Variants in BCAS1 observed in about 807,000 individuals in gnomAD.
BCAS1 encodes the protein breast carcinoma-amplified sequence 1.
A neutral mutation model predicts 65.4 loss-of-function variants in BCAS1; 46 were observed. The ratio of observed to expected loss-of-function variants is 0.70; its 90% CI spans 0.55 to 0.90. The LOEUF is 0.90. Ranked by LOEUF, BCAS1 falls within the 40% of genes least tolerant of loss-of-function variation. The pLI is 0.00. For missense variants in BCAS1, 793 were observed against 771.2 expected (o/e 1.03, Z -0.33); for synonymous variants, 298 against 293.5 (o/e 1.02, Z -0.16).
At chr20:54,021,886 C>CA (rs2091567055) in intron 4 of BCAS1, among the ~76,000 whole-genome samples, 2 of 152,002 alleles carry the variant, frequency 1.3e-5, no homozygotes, top group Non-Finnish European at 2.9e-5. Flanking sequence ...GCACATCCTG[C>CA]ATTTGTACCC....
chr20:54,047,267 T>A (rs1047263008), intron 3 of BCAS1, among the ~76,000 whole-genome samples: 3 of 152,216 alleles, frequency 2.0e-5, no homozygotes, highest in African/African-American at 7.2e-5. Context: ...CCGAGTCTTC[T>A]TAAAAGGCTT....
chr20:54,001,263 C>G lies in BCAS1; in HGVS notation c.724-5213G>C, dbSNP rs2091048333. On this transcript the variant is annotated intron_variant, in intron 4 of 12. Transcript: ENST00000688948. Reference sequence around the variant, plus strand: ...TCTTGCCTTTAACTTCCAAGCTGCCCTTGTTCATTCCTGGGGGTAGGCCAC... The same window carrying G: ...TCTTGCCTTTAACTTCCAAGCTGCCGTTGTTCATTCCTGGGGGTAGGCCAC... Among the ~76,000 whole-genome samples, 2 of 152,208 alleles carry G rather than the reference C, an allele frequency of 1.3e-5. 1 individual carries two copies. The highest frequency in any genetic ancestry group is 2.9e-5 in the Non-Finnish European group (2 of 68,044).
chr20:53,949,501 C>T (rs1204958926), intron 12 of BCAS1, among the ~76,000 whole-genome samples: 1 of 152,204 alleles, frequency 6.6e-6, no homozygotes, highest in African/African-American at 2.4e-5. Context: ...TAACAGGCAC[C>T]ACAATAGTTC....
At chr20:53,991,900 T>C (rs1297458668) in intron 7 of BCAS1, among the ~76,000 whole-genome samples, 2 of 152,194 alleles carry the variant, frequency 1.3e-5, no homozygotes, top group African/African-American at 4.8e-5. Context: ...CCACTTCTCC[T>C]TTTCCAACTC....
chr20:54,002,797 A>G (rs1033004126), intron 4 of BCAS1, among the ~76,000 whole-genome samples: 1 of 152,222 alleles, frequency 6.6e-6, no homozygotes, highest in Non-Finnish European at 1.5e-5. Flanking sequence ...ATAGACTGAT[A>G]TTCAATTGAG....
intron 4 of BCAS1, among the ~76,000 whole-genome samples, chr20:54,007,049 A>G (rs2091213324): frequency 6.6e-6 from 1 of 152,150 alleles, no homozygotes; most frequent in Non-Finnish European, 1.5e-5. Context: ...GGTTCTCTGA[A>G]GTTGGCGTGG....
intron 3 of BCAS1, among the ~76,000 whole-genome samples, chr20:54,031,770 T>G (rs1366607127): frequency 6.6e-6 from 1 of 151,204 alleles, no homozygotes; most frequent in African/African-American, 2.4e-5. Flanking sequence ...GAATACATAC[T>G]CAGTGACTTT....
chr20:53,968,635 G>A (rs1792208622), intron 9 of BCAS1, among the ~76,000 whole-genome samples: 1 of 152,148 alleles, frequency 6.6e-6, no homozygotes, highest in South Asian at 2.1e-4. Context: ...TTAAGCTACT[G>A]ACACAATTTC....
At chr20:54,012,811 A>C (rs904715151) in intron 4 of BCAS1, among the ~76,000 whole-genome samples, 1 of 152,230 alleles carries the variant, frequency 6.6e-6, no homozygotes, top group Non-Finnish European at 1.5e-5. Flanking sequence ...AAATTAATGC[A>C]CAGAAAGAAT....
intron 6 of BCAS1, among the ~76,000 whole-genome samples, chr20:53,992,869 C>T (rs1005356303): frequency 6.6e-6 from 1 of 151,984 alleles, no homozygotes; most frequent in African/African-American, 2.4e-5. Flanking sequence ...ATTTAAATGA[C>T]CCAGATGAAC....
intron 4 of BCAS1, among the ~76,000 whole-genome samples, chr20:54,027,324 C>T (rs1432454002): frequency 6.6e-6 from 1 of 152,126 alleles, no homozygotes; most frequent in Non-Finnish European, 1.5e-5. Context: ...GCATTAAAAC[C>T]ATAGATTAAC....
At chr20:54,031,873 A>G (rs2091808604) in intron 3 of BCAS1, among the ~76,000 whole-genome samples, 1 of 151,176 alleles carries the variant, frequency 6.6e-6, no homozygotes, top group African/African-American at 2.4e-5. Flanking sequence ...GGGTGTCTGA[A>G]AGAGATGGAG....
At chr20:53,974,023 C>G (rs1230715356) in intron 9 of BCAS1, among the ~76,000 whole-genome samples, 1 of 149,936 alleles carries the variant, frequency 6.7e-6, no homozygotes. Context: ...CACTTTGTGT[C>G]TAGCTTAAGG....
intron 3 of BCAS1, among the ~76,000 whole-genome samples, chr20:54,051,595 A>G (rs2092213414): frequency 6.6e-6 from 1 of 152,202 alleles, no homozygotes; most frequent in Non-Finnish European, 1.5e-5. Flanking sequence ...ATCCAGAGGA[A>G]GCAAAAGAAC....
intron 1 of BCAS1, among the ~76,000 whole-genome samples, chr20:54,060,292 C>A (rs1011294249): frequency 2.6e-5 from 4 of 152,172 alleles, no homozygotes; most frequent in African/African-American, 9.7e-5. Context: ...AACAAAAATG[C>A]ATAGGGTTCT....
Position 53,975,376 on chromosome 20 carries a change from G to A in BCAS1, c.1317+13C>T. The A allele has an allele frequency of 5.0e-6, 8 of 1,608,876 alleles. No individual in the cohort carries two copies. Among genetic ancestry groups the A allele is most frequent in the Non-Finnish European group, 6.8e-6 (8 of 1,175,672 alleles). On this transcript the variant is annotated intron_variant, in intron 9 of 12. Coordinates refer to ENST00000688948, the MANE Select transcript of BCAS1 (RefSeq NM_001366298.2). Reference sequence around the variant, plus strand: ...GAGAATGGAATGATTCTGCCGTGGTGTGTGTAACTTACATTCTCCTCCGCA... The same window carrying A: ...GAGAATGGAATGATTCTGCCGTGGTATGTGTAACTTACATTCTCCTCCGCA...
chr20:54,004,077 C>A (rs2091125460), intron 4 of BCAS1, among the ~76,000 whole-genome samples: 1 of 152,126 alleles, frequency 6.6e-6, no homozygotes, highest in Non-Finnish European at 1.5e-5. Flanking sequence ...TGTGTCTCCC[C>A]AAAATTCATG....
At chr20:53,980,996 A>G (rs1402522744) in intron 8 of BCAS1, among the ~76,000 whole-genome samples, 1 of 152,238 alleles carries the variant, frequency 6.6e-6, no homozygotes, top group Non-Finnish European at 1.5e-5. Flanking sequence ...CTGTTTGGAC[A>G]TTTATATTGC....
At chr20:53,946,380 C>A (rs1336485629) in intron 12 of BCAS1, among the ~76,000 whole-genome samples, 1 of 151,966 alleles carries the variant, frequency 6.6e-6, no homozygotes, top group Admixed American at 6.6e-5. Context: ...TTCAGACTAA[C>A]TTCTTTCATG....
Sources: gnomAD v4.1 joint callset for allele counts (sites outside exome capture counted in the v4.1 genomes callset) on GRCh38, gnomAD v4.1.1 for gene constraint, MANE v1.5 for transcripts, NCBI Gene and HGNC (gene_info 2026-07-23, HGNC 2026-07-21) for gene names.